The following HESX1 variants were observed in gnomAD, a reference collection of about 807,000 sequenced individuals.
HESX1 encodes HESX homeobox 1.
Under a neutral mutation model 22.5 loss-of-function variants are expected in HESX1, and 11 were observed. The observed-to-expected ratio is 0.49, with a 90% CI of 0.31 to 0.81. HESX1 has a LOEUF of 0.81. HESX1 is among the 30% of genes least tolerant of loss of function. The pLI, the probability that HESX1 is intolerant of heterozygous loss-of-function variation, is 0.05. For synonymous variants in HESX1, 74 were observed against 76.5 expected (o/e 0.97, Z 0.17); for missense variants, 201 against 212.6 (o/e 0.95, Z 0.34).
At chr3:57,210,652 T>A (rs2060548054) in intron 1 of HESX1, among the ~76,000 whole-genome samples, 1 of 152,222 alleles carries the variant, frequency 6.6e-6, no homozygotes, top group African/African-American at 2.4e-5. Flanking sequence ...CAATAAAATT[T>A]GTTGAATAAG....
chr3:57,224,387 C>T (rs1391070154), intron 1 of HESX1, among the ~76,000 whole-genome samples: 1 of 152,164 alleles, frequency 6.6e-6, no homozygotes, highest in African/African-American at 2.4e-5. Context: ...ATCCTTCCAC[C>T]TTGACCTCCC....
intron 1 of HESX1, among the ~76,000 whole-genome samples, chr3:57,211,527 C>CAAAAAAAAA (rs61137408): frequency 0.028 from 894 of 31,958 alleles, 227 homozygotes; most frequent in East Asian, 0.2. Context: ...GAGACCTTGT[C>CAAAAAAAAA]AAAAAAAAAA....
chr3:57,198,808 C>G lies in HESX1; in HGVS notation c.302G>C (p.Arg101Thr). 6.2e-7 allele frequency: 1 copy of G among 1,614,148 alleles called. No individual in the cohort carries two copies. Residue 101 changes from arginine to threonine, a missense_variant, in exon 2 of 4, where the codon AGA (arginine) becomes ACA (threonine). Coordinates refer to ENST00000295934, the MANE Select transcript of HESX1 (RefSeq NM_003865.3). ...TCGGCCTCTATACCAACTCAACTCT[C>G]TTTTCAAAGACAGTCTTTCTGAGGC... Reference protein sequence around the residue: ...FSASERLSLKRELSWYRGRRP... With the variant: ...FSASERLSLKTELSWYRGRRP...
At chr3:57,210,990 G>A (rs538653586) in intron 1 of HESX1, among the ~76,000 whole-genome samples, 148 of 152,058 alleles carry the variant, frequency 9.7e-4, no homozygotes, top group African/African-American at 3.5e-3. Context: ...AGGCCGAGGC[G>A]GGCGGATTGC....
intron 1 of HESX1, among the ~76,000 whole-genome samples, chr3:57,207,747 T>G (rs2060527619): frequency 6.6e-6 from 1 of 151,170 alleles, no homozygotes; most frequent in East Asian, 1.9e-4. Context: ...AAGAAGAAAT[T>G]ATCAGAAATG....
At chr3:57,201,869 CTATCTATA>C (rs770456296), upstream of HESX1, among the ~76,000 whole-genome samples, 4 of 140,602 alleles carry the variant, frequency 2.8e-5, no homozygotes, top group African/African-American at 8.2e-5. Context: ...CTATATCTAT[CTATCTATA>C]TCTATCTATC....
chr3:57,198,802 A>G lies in HESX1; in HGVS notation c.308T>C (p.Leu103Ser). Residue 103 changes from leucine (L) to serine (S), a missense_variant, in exon 2 of 4, where the codon TTG becomes TCG. Transcript: ENST00000295934. ...ASERLSLKRE[L>S]SWYRGRRPRT... ...TGGTCTTCGGCCTCTATACCAACTCAACTCTCTTTTCAAAGACAGTCTTTC... is the reference window on the plus strand; with the variant it reads ...TGGTCTTCGGCCTCTATACCAACTCGACTCTCTTTTCAAAGACAGTCTTTC... 6.2e-7 allele frequency: 1 copy of G among 1,614,110 alleles called. No individual in the cohort carries two copies. Among genetic ancestry groups the G allele is most frequent in the Non-Finnish European group, 8.5e-7 (1 of 1,180,004 alleles).
At chr3:57,212,726 C>T (rs1326872685) in intron 1 of HESX1, among the ~76,000 whole-genome samples, 1 of 152,136 alleles carries the variant, frequency 6.6e-6, no homozygotes, top group Non-Finnish European at 1.5e-5. Flanking sequence ...TCACCACTAA[C>T]AATGTAGCGT....
upstream of HESX1, among the ~76,000 whole-genome samples, chr3:57,203,631 T>G (rs2060502848): frequency 1.3e-5 from 2 of 152,140 alleles, no homozygotes; most frequent in African/African-American, 2.4e-5. Flanking sequence ...CTCTGCTCAC[T>G]GCAACCTCTA....
chr3:57,204,546 GT>G (rs2060509107), upstream of HESX1, among the ~76,000 whole-genome samples: 6 of 152,318 alleles, frequency 3.9e-5, no homozygotes, highest in South Asian at 1.2e-3. Flanking sequence ...AACACCTCCA[GT>G]TTGGATAGCA....
intron 1 of HESX1, among the ~76,000 whole-genome samples, chr3:57,214,482 G>A (rs931066127): frequency 6.6e-6 from 1 of 152,138 alleles, no homozygotes; most frequent in Non-Finnish European, 1.5e-5. Flanking sequence ...GATTATCTGG[G>A]TCTAAATTCC....
chr3:57,225,881 CTTTTTT>C (rs540522007), intron 1 of HESX1, among the ~76,000 whole-genome samples: 30 of 132,122 alleles, frequency 2.3e-4, no homozygotes, highest in Non-Finnish European at 4.5e-4. Flanking sequence ...CTTTTCTTTT[CTTTTTT>C]TTTTTTTTTT....
upstream of HESX1, among the ~76,000 whole-genome samples, chr3:57,201,927 C>CTATCTATCTATCTATA (rs1553632879): frequency 1.6e-5 from 2 of 128,716 alleles, no homozygotes; most frequent in African/African-American, 6.1e-5. Flanking sequence ...ATCTATCTAT[C>CTATCTATCTATCTATA]TATTTTTTTG....
rs770886420 is a variant in HESX1 at position 57,198,280 on chromosome 3, G to A, written c.475C>T (p.Arg159Trp). Residue 159 changes from arginine (R) to tryptophan (W), a missense_variant, in exon 4 of 4, where the codon CGG becomes TGG. Physicochemically the swap from Arg to Trp is moderately radical, Grantham distance 101. Transcript: ENST00000295934. ...TGGGACCTTTTCAGTTTTGCACGCC[G>A]ATTTTGAAACCAAATCTAAAGTTAA... ...EDRIQIWFQN[R>W]RAKLKRSHRE... 1.4e-4 allele frequency: 233 copies of A among 1,612,574 alleles called. No homozygotes were observed. The highest frequency in any genetic ancestry group is 1.9e-4 in the Non-Finnish European group (229 of 1,179,140).
upstream of HESX1, among the ~76,000 whole-genome samples, chr3:57,202,088 T>G (rs1227157787): frequency 6.6e-6 from 1 of 150,378 alleles, no homozygotes; most frequent in Non-Finnish European, 1.5e-5. Context: ...CTGGCTAATT[T>G]TTTTGTATTT....
chr3:57,198,382 G>T lies in HESX1; in HGVS notation c.459+9C>A. The T allele has an allele frequency of 1.3e-6, 2 of 1,577,406 alleles. No individual in the cohort carries two copies. The highest frequency in any genetic ancestry group is 1.7e-4 in the Middle Eastern group (1 of 5,986). ...AACATCATGAATAACAACTAAATTTGAAAATTACCTGGATTCTGTCTTCCT... is the reference window on the plus strand; with the variant it reads ...AACATCATGAATAACAACTAAATTTTAAAATTACCTGGATTCTGTCTTCCT... On this transcript the variant is annotated intron_variant, in intron 3 of 3. Transcript: ENST00000295934.
chr3:57,201,999 A>C (rs1286463190), upstream of HESX1, among the ~76,000 whole-genome samples: 2 of 150,792 alleles, frequency 1.3e-5, no homozygotes, highest in Non-Finnish European at 3.0e-5. Flanking sequence ...GCTCACGGCA[A>C]GCTCCGCCTC....
upstream of HESX1, among the ~76,000 whole-genome samples, chr3:57,203,699 T>C (rs573877212): frequency 7.2e-4 from 109 of 152,156 alleles, no homozygotes; most frequent in African/African-American, 2.4e-3. Flanking sequence ...GGACTACAGG[T>C]ACATGTCATC....
At chr3:57,224,511 G>C (rs539505616) in intron 1 of HESX1, among the ~76,000 whole-genome samples, 1 of 152,228 alleles carries the variant, frequency 6.6e-6, no homozygotes, top group East Asian at 1.9e-4. Flanking sequence ...CTTGGATAGA[G>C]TTTTTCCTCA....
Sources: gnomAD v4.1 joint callset for allele counts (sites outside exome capture counted in the v4.1 genomes callset) on GRCh38, gnomAD v4.1.1 for gene constraint, MANE v1.5 for transcripts, NCBI Gene and HGNC (gene_info 2026-07-23, HGNC 2026-07-21) for gene names.